TMEM266: variants seen among roughly 807,000 people sequenced by gnomAD.
The protein encoded by TMEM266 is Hv1 related protein 1.
In TMEM266, 33 loss-of-function variants were observed where a neutral mutation model predicts 50.5. The ratio of observed to expected loss-of-function variants is 0.65; its 90% CI spans 0.50 to 0.87. TMEM266 has a LOEUF of 0.87. Among genes scored for constraint, TMEM266 ranks in the 40% least tolerant of loss-of-function variants. TMEM266 has a pLI of 0.00. For synonymous variants in TMEM266, 310 were observed against 292.3 expected (o/e 1.06, Z -0.62); for missense variants, 655 against 695.1 (o/e 0.94, Z 0.65).
At chr15:76,191,526 C>T (rs1465381191) in intron 8 of TMEM266, 1 of 154,160 alleles carries the variant, frequency 6.5e-6, no homozygotes, top group African/African-American at 2.4e-5. Context: ...GATGGGGTCC[C>T]CCAGGCTGGG....
intron 1 of TMEM266, among the ~76,000 whole-genome samples, chr15:76,106,223 GAT>G (rs2037077851): frequency 6.6e-6 from 1 of 152,074 alleles, no homozygotes. Flanking sequence ...GAGAATCAAA[GAT>G]CCGCACTGAA....
intron 1 of TMEM266, among the ~76,000 whole-genome samples, chr15:76,083,238 T>TAA (rs2036722432): frequency 6.6e-6 from 1 of 150,850 alleles, no homozygotes; most frequent in Non-Finnish European, 1.5e-5. Context: ...ATACTCTTTT[T>TAA]TTTTTTTTTT....
intron 10 of TMEM266, among the ~76,000 whole-genome samples, chr15:76,202,805 A>G (rs1293369741): frequency 6.6e-6 from 1 of 152,170 alleles, no homozygotes; most frequent in Non-Finnish European, 1.5e-5. Context: ...CGGGTTCCAC[A>G]TGCAGTTCTT....
intron 3 of TMEM266, among the ~76,000 whole-genome samples, chr15:76,150,897 G>GC (rs2037830724): frequency 6.6e-6 from 1 of 152,166 alleles, no homozygotes; most frequent in Non-Finnish European, 1.5e-5. Flanking sequence ...AATTTTTTAT[G>GC]CAAACACCTA....
intron 9 of TMEM266, among the ~76,000 whole-genome samples, chr15:76,199,291 C>T (rs2038703127): frequency 6.6e-6 from 1 of 152,220 alleles, no homozygotes; most frequent in African/African-American, 2.4e-5. Flanking sequence ...GACGGTCGGC[C>T]AGACCAGTCC....
intron 1 of TMEM266, among the ~76,000 whole-genome samples, chr15:76,102,198 A>G (rs1237970416): frequency 6.6e-6 from 1 of 152,062 alleles, no homozygotes; most frequent in Non-Finnish European, 1.5e-5. Context: ...TCATTTAACA[A>G]CTATTTCTTG....
At chr15:76,163,723 G>A (rs1186175578) in intron 5 of TMEM266, among the ~76,000 whole-genome samples, 2 of 152,172 alleles carry the variant, frequency 1.3e-5, no homozygotes, top group African/African-American at 4.8e-5. Context: ...AGTGCAGGCT[G>A]TGGGGTGTTG....
chr15:76,109,354 G>A (rs557022235), intron 1 of TMEM266, among the ~76,000 whole-genome samples: 2 of 152,206 alleles, frequency 1.3e-5, no homozygotes, highest in Non-Finnish European at 2.9e-5. Flanking sequence ...CAAGCAAGAA[G>A]CCAGGCCCAA....
intron 8 of TMEM266, among the ~76,000 whole-genome samples, chr15:76,188,016 T>G (rs1207961647): frequency 6.6e-6 from 1 of 152,050 alleles, no homozygotes; most frequent in Admixed American, 6.5e-5. Flanking sequence ...GAGAACCCAT[T>G]GTGCACATTT....
chr15:76,086,696 T>C (rs1482715555), intron 1 of TMEM266, among the ~76,000 whole-genome samples: 1 of 152,046 alleles, frequency 6.6e-6, no homozygotes, highest in East Asian at 1.9e-4. Context: ...ATCAGTCCGA[T>C]TGGTTGTGGG....
intron 8 of TMEM266, among the ~76,000 whole-genome samples, chr15:76,188,475 T>C (rs907867387): frequency 1.3e-5 from 2 of 152,148 alleles, no homozygotes; most frequent in African/African-American, 4.8e-5. Context: ...TGGTGGCACA[T>C]GCCTGTAGTC....
intron 8 of TMEM266, among the ~76,000 whole-genome samples, chr15:76,184,755 TGCATTAAAAGCCCGGC>T (rs2038469797): frequency 6.6e-6 from 1 of 152,224 alleles, no homozygotes; most frequent in Non-Finnish European, 1.5e-5. Context: ...CTCCTGGGCT[TGCATTAAAAGCCCGGC>T]CCCGATGGAA....
rs534983846 is a variant in TMEM266 at position 76,168,575 on chromosome 15, G to C, written c.457-1241G>C. Among the ~76,000 whole-genome samples, 1 of 152,332 alleles carries C rather than the reference G, an allele frequency of 6.6e-6. No individual in the cohort carries two copies. Among genetic ancestry groups the C allele is most frequent in the African/African-American group, 2.4e-5 (1 of 41,568 alleles). On this transcript the variant is annotated intron_variant, in intron 5 of 10. Transcript: ENST00000388942. The surrounding 1 kb of genome is among the most constrained non-coding windows in gnomAD (Gnocchi z 4.4). Reference sequence around the variant, plus strand: ...GAGACCAGCATTTAGGGGCTTCTTTGGAGAAAGATGTCCTCTTGGTGAGGA... The same window carrying C: ...GAGACCAGCATTTAGGGGCTTCTTTCGAGAAAGATGTCCTCTTGGTGAGGA...
At chr15:76,180,354 C>T (rs1268868619) in intron 8 of TMEM266, among the ~76,000 whole-genome samples, 2 of 152,102 alleles carry the variant, frequency 1.3e-5, no homozygotes. Context: ...TTTTGGGGAG[C>T]ACTGGTCGGG....
chr15:76,193,845 G>C (rs2038617276), intron 9 of TMEM266, among the ~76,000 whole-genome samples: 2 of 152,220 alleles, frequency 1.3e-5, no homozygotes, highest in South Asian at 2.1e-4. Context: ...CTCCTCCAGG[G>C]ACCATCACCT....
At chr15:76,202,103 A>G in intron 9 of TMEM266, 99 bp from the exon 10 acceptor site, 1 of 1,043,856 alleles carries the variant, frequency 9.6e-7, no homozygotes, top group South Asian at 1.6e-5. Context: ...CTTCTGTGAG[A>G]CAGCTGCCTT....
intron 1 of TMEM266, among the ~76,000 whole-genome samples, chr15:76,117,411 G>C (rs1288337506): frequency 6.6e-6 from 1 of 151,920 alleles, no homozygotes; most frequent in Non-Finnish European, 1.5e-5. Context: ...TTATTTACAC[G>C]TGGCAAAACT....
At chr15:76,069,604 A>C (rs2036504151) in intron 1 of TMEM266, among the ~76,000 whole-genome samples, 1 of 152,124 alleles carries the variant, frequency 6.6e-6, no homozygotes, top group Non-Finnish European at 1.5e-5. Context: ...GGATCATCTG[A>C]GGTCAGGAGT....
intron 1 of TMEM266, among the ~76,000 whole-genome samples, chr15:76,095,543 G>A (rs987082282): frequency 2.0e-5 from 3 of 151,954 alleles, no homozygotes; most frequent in African/African-American, 4.8e-5. Flanking sequence ...TTTTCGCATC[G>A]ATTGTCATCA....
Sources: gnomAD v4.1 joint callset for allele counts (sites outside exome capture counted in the v4.1 genomes callset) on GRCh38, gnomAD v4.1.1 for gene constraint, Gnocchi (gnomAD v3.1) non-coding constraint, MANE v1.5 for transcripts, NCBI Gene and HGNC (gene_info 2026-07-23, HGNC 2026-07-21) for gene names.